Variants in C1orf198 observed in about 807,000 individuals in gnomAD.
C1orf198 encodes uncharacterized protein C1orf198.
C1orf198 carries 17 observed loss-of-function variants against 31.4 expected under a neutral mutation model. The observed-to-expected ratio is 0.54, with a 90% CI of 0.37 to 0.81. C1orf198 has a LOEUF of 0.81. Ranked by LOEUF, C1orf198 falls within the 40% of genes least tolerant of loss-of-function variation. The probability of loss-of-function intolerance (pLI) is 0.00; values close to 1 mark genes in which losing one functional copy is unlikely to be tolerated. For missense variants in C1orf198, 401 were observed against 450.3 expected (o/e 0.89, Z 0.99); for synonymous variants, 175 against 193.8 (o/e 0.90, Z 0.81).
chr1:230,863,866 A>G (rs1053236150), intron 1 of C1orf198, among the ~76,000 whole-genome samples: 1 of 152,268 alleles, frequency 6.6e-6, no homozygotes, highest in African/African-American at 2.4e-5. Context: ...TACAGCAGGC[A>G]CAAGGTGGGA....
At chr1:230,860,506 T>C (rs1391910413) in intron 1 of C1orf198, among the ~76,000 whole-genome samples, 1 of 152,184 alleles carries the variant, frequency 6.6e-6, no homozygotes, top group African/African-American at 2.4e-5. Flanking sequence ...GGTCTATCCA[T>C]CCAATGGAAT....
chr1:230,849,953 G>A (rs1264346521), intron 2 of C1orf198, among the ~76,000 whole-genome samples: 1 of 152,148 alleles, frequency 6.6e-6, no homozygotes, highest in Non-Finnish European at 1.5e-5. Context: ...CCAAAGAGAC[G>A]GGGCGTGAAC....
intron 3 of C1orf198, among the ~76,000 whole-genome samples, chr1:230,842,519 C>T (rs1189233157): frequency 1.3e-5 from 2 of 152,118 alleles, no homozygotes; most frequent in Admixed American, 6.5e-5. Context: ...TATGTTCTCA[C>T]TCATAAGTGG....
At chr1:230,845,216 T>TAAAAAAAAA (rs11355270) in intron 2 of C1orf198, among the ~76,000 whole-genome samples, 5 of 117,064 alleles carry the variant, frequency 4.3e-5, no homozygotes, top group East Asian at 2.8e-4. Flanking sequence ...TTAAAAAAAT[T>TAAAAAAAAA]AAAAAAAAAA....
At position 230,843,859 on chromosome 1, in the gene C1orf198, T is replaced by C. The variant is rs1470877367; in HGVS notation, c.422A>G (p.Gln141Arg). The C allele has an allele frequency of 5.9e-5, 90 of 1,534,892 alleles. No individual in the cohort carries two copies. The highest frequency in any genetic ancestry group is 7.7e-5 in the Non-Finnish European group (88 of 1,144,596). ...MEFSISALSI[Q>R]EPSNGTAASE... ...GGCGGCGGTGCCGTTGCTCGGCTCCTGGATGGATAGGGCGGAGATACTGAA... is the reference window on the plus strand; with the variant it reads ...GGCGGCGGTGCCGTTGCTCGGCTCCCGGATGGATAGGGCGGAGATACTGAA... Residue 141 changes from glutamine (Q) to arginine (R), a missense_variant, in exon 3 of 4, where the codon CAG becomes CGG. Transcript: ENST00000366663. The surrounding 1 kb of genome is among the most constrained non-coding windows in gnomAD (Gnocchi z 4.9).
At chr1:230,851,259 A>AG (rs1244055305) in intron 2 of C1orf198, among the ~76,000 whole-genome samples, 1 of 152,124 alleles carries the variant, frequency 6.6e-6, no homozygotes, top group Non-Finnish European at 1.5e-5. Flanking sequence ...AGGTGAAGGA[A>AG]GGGGGTAGCC....
chr1:230,842,155 G>T (rs537880243), intron 3 of C1orf198, among the ~76,000 whole-genome samples: 4 of 152,198 alleles, frequency 2.6e-5, no homozygotes, highest in African/African-American at 9.6e-5. Context: ...AGTTAGTGTT[G>T]AACGGGTCCA....
chr1:230,851,382 G>A (rs1322016174), intron 2 of C1orf198, among the ~76,000 whole-genome samples: 1 of 152,154 alleles, frequency 6.6e-6, no homozygotes, highest in East Asian at 1.9e-4. Flanking sequence ...GGTCCCAAGA[G>A]CCCAGCCAAC....
chr1:230,858,343 G>A (rs1310669681), intron 1 of C1orf198, among the ~76,000 whole-genome samples: 3 of 152,248 alleles, frequency 2.0e-5, no homozygotes, highest in Non-Finnish European at 4.4e-5. Context: ...CTGATGGAAT[G>A]TAAGTATCAT....
intron 2 of C1orf198, among the ~76,000 whole-genome samples, chr1:230,848,938 C>T (rs1669661233): frequency 6.6e-6 from 1 of 152,188 alleles, no homozygotes. Flanking sequence ...TGCAGCCCAT[C>T]CTGCCCAGGG....
rs367868834 is a variant in C1orf198, at chr1:230,855,648, C to T, written c.384+20G>A. 7 of 1,609,830 alleles carry T rather than the reference C, an allele frequency of 4.3e-6. No individual in the cohort carries two copies. The East Asian group carries it at 1.3e-4, about 31-fold the overall frequency. ...GTTCTTTTTAAAAGAACAAATAGAT[C>T]TAAATTTAATCCAACTTACCTTTGT... On this transcript the variant is annotated intron_variant, in intron 2 of 3. Coordinates refer to ENST00000366663, the MANE Select transcript of C1orf198 (RefSeq NM_032800.3).
At chr1:230,862,642 T>C (rs1297629137) in intron 1 of C1orf198, among the ~76,000 whole-genome samples, 2 of 152,190 alleles carry the variant, frequency 1.3e-5, no homozygotes, top group East Asian at 1.9e-4. Context: ...AATCCAACCA[T>C]ATTACATTCT....
rs934434227 is a variant in C1orf198, at chr1:230,839,432, T to C, written c.*420A>G. 1.1e-5 allele frequency: 2 copies of C among 186,756 alleles called. No homozygotes were observed. Among genetic ancestry groups the C allele is most frequent in the Non-Finnish European group, 2.1e-5 (2 of 94,568 alleles). 11.6% of individuals were successfully genotyped at this position (186,756 alleles called of 1,614,324 possible). A position where few individuals can be genotyped will look rare whatever the true frequency, so the allele number is the denominator to read the frequency against. ...TCATGGCTGATAACATCACCCTCAA[T>C]CACCCACCAAAAGGAACCCATACGG... is the stretch of plus-strand genomic sequence containing the variant. On this transcript the variant is annotated 3_prime_UTR_variant, in exon 4 of 4. Transcript: ENST00000366663.
chr1:230,855,686 A>G lies in C1orf198; in HGVS notation c.366T>C (p.Pro122=). The change falls in exon 2 of 4, where the codon CCT becomes CCC. Residue 122 remains proline, a synonymous_variant. Coordinates refer to ENST00000366663, the MANE Select transcript of C1orf198 (RefSeq NM_032800.3). ...AACTTACCTTTGTTTCCCAGGAGAA[A>G]GGGGCAGAGTGCTCATCTTGCCAAG... ...DLTWQDEHSA[P]FSWETKSQME... is the part of the protein sequence containing the mutation. 1 of 1,612,874 alleles carries G rather than the reference A, an allele frequency of 6.2e-7. No individual in the cohort carries two copies. Among genetic ancestry groups the G allele is most frequent in the South Asian group, 1.1e-5 (1 of 90,766 alleles).
rs530991188 is a variant in C1orf198, at chr1:230,852,565, G to A, written c.384+3103C>T. 3.9e-5 allele frequency among the ~76,000 whole-genome samples: 6 copies of A among 152,192 alleles called. No homozygotes were observed. In the East Asian group the frequency reaches 1.2e-3, roughly 29 times the overall value. ...CAATTTTTCATTTGTCAATTAAAAA[G>A]TAATAATTTTTAAAAAGAGTTCTCG... is the stretch of plus-strand genomic sequence containing the variant. On this transcript the variant is annotated intron_variant, in intron 2 of 3. Coordinates refer to ENST00000366663, the MANE Select transcript of C1orf198 (RefSeq NM_032800.3).
intron 3 of C1orf198, 54 bp from the exon 4 acceptor site, chr1:230,839,962 G>A (rs1437170980): frequency 1.1e-5 from 17 of 1,490,312 alleles, no homozygotes; most frequent in Admixed American, 1.0e-4. Context: ...TTTCAGTTAC[G>A]TATAATCTAA....
intron 1 of C1orf198, among the ~76,000 whole-genome samples, chr1:230,862,203 G>A (rs1311041454): frequency 3.3e-5 from 5 of 152,332 alleles, no homozygotes; most frequent in South Asian, 2.1e-4. Context: ...TAATTACCGA[G>A]TGACAACACT....
Position 230,847,193 on chromosome 1 carries a change from C to T in C1orf198, c.385-3297G>A, listed in dbSNP as rs371187740. ...ACTCAGGAGGCTGAGGCAGGAGAAT[C>T]GCTTGAACTCAGGAGGCAGAGGTTG... On this transcript the variant is annotated intron_variant, in intron 2 of 3. Transcript: ENST00000366663. Among the ~76,000 whole-genome samples the T allele has an allele frequency of 2.5e-4, 36 of 144,814 alleles. No individual in the cohort carries two copies. The East Asian group carries it at 6.7e-3, about 27-fold the overall frequency.
Position 230,843,509 on chromosome 1 carries a change from C to T in C1orf198, c.772G>A (p.Val258Met), listed in dbSNP as rs199668837. 1.1e-4 allele frequency: 185 copies of T among 1,612,126 alleles called. No individual in the cohort carries two copies. The highest frequency in any genetic ancestry group is 1.4e-4 in the Non-Finnish European group (165 of 1,178,848). Residue 258 changes from valine (V) to methionine (M), a missense_variant, in exon 3 of 4, where the codon GTG (valine) becomes ATG (methionine). Transcript: ENST00000366663. The surrounding 1 kb of genome is among the most constrained non-coding windows in gnomAD (Gnocchi z 4.9). ...TGGGGTCTCTCACGTTCGGTGCTCA[C>T]GTTGGGAAGAGGACGCTGCTCCTGA... ...LRQEQRPLPN[V>M]STERERPQPV...
Sources: gnomAD v4.1 joint callset for allele counts (sites outside exome capture counted in the v4.1 genomes callset) on GRCh38, gnomAD v4.1.1 for gene constraint, Gnocchi (gnomAD v3.1) non-coding constraint, MANE v1.5 for transcripts, NCBI Gene and HGNC (gene_info 2026-07-23, HGNC 2026-07-21) for gene names.